Variants in CLSTN2 observed in about 807,000 individuals in gnomAD.
CLSTN2 encodes the protein calsyntenin-2.
A neutral mutation model predicts 101.2 loss-of-function variants in CLSTN2; 48 were observed. That is an observed-to-expected ratio of 0.47 (90% confidence interval 0.38 to 0.60). The LOEUF (loss-of-function observed/expected upper bound fraction) is 0.60. Ranked by LOEUF, CLSTN2 falls within the 20% of genes least tolerant of loss-of-function variation. The pLI, the probability that CLSTN2 is intolerant of heterozygous loss-of-function variation, is 0.00. For synonymous variants in CLSTN2, 481 were observed against 463.6 expected, an observed-to-expected ratio of 1.04 and a Z score of -0.48; for missense variants, 1,160 against 1,238.2, an observed-to-expected ratio of 0.94 and a Z score of 0.95.
chr3:140,281,837 T>C (rs2086850329), intron 2 of CLSTN2, among the ~76,000 whole-genome samples: 1 of 152,150 alleles, frequency 6.6e-6, no homozygotes, highest in Non-Finnish European at 1.5e-5. Flanking sequence ...GCTGTCTGGC[T>C]GGCTTGACTA....
At chr3:140,110,413 T>C (rs971169767) in intron 1 of CLSTN2, among the ~76,000 whole-genome samples, 1 of 152,234 alleles carries the variant, frequency 6.6e-6, no homozygotes, top group African/African-American at 2.4e-5. Context: ...AATGTAAACA[T>C]TAAACACCAT....
chr3:140,080,281 T>C (rs2008574344), intron 1 of CLSTN2, among the ~76,000 whole-genome samples: 1 of 152,208 alleles, frequency 6.6e-6, no homozygotes, highest in African/African-American at 2.4e-5. Flanking sequence ...GCAGTGTGCT[T>C]ATCTGTTCAC....
intron 1 of CLSTN2, among the ~76,000 whole-genome samples, chr3:140,065,224 G>T (rs993886313): frequency 1.3e-5 from 2 of 152,222 alleles, no homozygotes; most frequent in Admixed American, 1.3e-4. Flanking sequence ...GCAGGTGTGT[G>T]GAAGGTGAGG....
At chr3:140,144,772 C>T (rs1340214923) in intron 1 of CLSTN2, among the ~76,000 whole-genome samples, 2 of 152,210 alleles carry the variant, frequency 1.3e-5, no homozygotes, top group Admixed American at 1.3e-4. Flanking sequence ...GTCCGTGCCA[C>T]CTGGCATCTG....
At chr3:140,219,765 G>C (rs1485477232) in intron 2 of CLSTN2, among the ~76,000 whole-genome samples, 2 of 152,164 alleles carry the variant, frequency 1.3e-5, no homozygotes, top group African/African-American at 4.8e-5. Context: ...TAGACGCTTT[G>C]CTTCTTTCAA....
At chr3:140,203,825 G>A (rs1319554160) in intron 2 of CLSTN2, among the ~76,000 whole-genome samples, 1 of 152,190 alleles carries the variant, frequency 6.6e-6, no homozygotes, top group Non-Finnish European at 1.5e-5. Flanking sequence ...AGGCTGCAAA[G>A]ATTTTGCTTA....
intron 1 of CLSTN2, among the ~76,000 whole-genome samples, chr3:140,072,104 A>T (rs551795959): frequency 6.6e-6 from 1 of 152,168 alleles, no homozygotes; most frequent in Non-Finnish European, 1.5e-5. Context: ...AGTTTGACCC[A>T]GCATTGCCGT....
intron 4 of CLSTN2, among the ~76,000 whole-genome samples, chr3:140,410,385 T>C (rs2088349719): frequency 7.2e-6 from 1 of 139,134 alleles, no homozygotes; most frequent in African/African-American, 2.6e-5. Context: ...AATAGAATTA[T>C]ATATTTAAGA....
At chr3:139,941,586 C>G (rs1051356877) in intron 1 of CLSTN2, among the ~76,000 whole-genome samples, 1 of 152,134 alleles carries the variant, frequency 6.6e-6, no homozygotes, top group Non-Finnish European at 1.5e-5. Flanking sequence ...ACAGACCCCC[C>G]GAAGCCTTGC....
intron 2 of CLSTN2, among the ~76,000 whole-genome samples, chr3:140,264,070 C>A (rs1001644046): frequency 6.6e-6 from 1 of 152,070 alleles, no homozygotes; most frequent in African/African-American, 2.4e-5. Context: ...AGGTACCCAA[C>A]AATGTGTTTG....
intron 11 of CLSTN2, among the ~76,000 whole-genome samples, chr3:140,557,642 A>G (rs907489): frequency 0.33 from 50,775 of 152,094 alleles, 12,191 homozygotes; most frequent in African/African-American, 0.68. Flanking sequence ...TCACCCACCC[A>G]TAGAAGAGGA....
chr3:140,023,016 G>A (rs755947799), intron 1 of CLSTN2, among the ~76,000 whole-genome samples: 3 of 152,196 alleles, frequency 2.0e-5, no homozygotes, highest in Non-Finnish European at 2.9e-5. Flanking sequence ...GGGCTTCAAC[G>A]TTCCTCTGCT....
rs754181258 is a variant in CLSTN2, at chr3:140,450,276, A to G, written c.973+1572A>G. Among the ~76,000 whole-genome samples, 56 of 152,202 alleles carry G rather than the reference A, an allele frequency of 3.7e-4. 1 individual carries two copies. The highest frequency in any genetic ancestry group is 7.1e-4 in the Non-Finnish European group (48 of 68,046). ...ATTTGAAAGTAAGTCTGTCTAAATG[A>G]TGGGCATTTTAGCTCAGTATCCACT... is the stretch of plus-strand genomic sequence containing the variant. On this transcript the variant is annotated intron_variant, in intron 6 of 16. Coordinates refer to ENST00000458420, the MANE Select transcript of CLSTN2 (RefSeq NM_022131.3).
intron 7 of CLSTN2, among the ~76,000 whole-genome samples, chr3:140,466,028 A>G (rs1933691084): frequency 6.6e-6 from 1 of 152,156 alleles, no homozygotes. Flanking sequence ...GTGTATGGGG[A>G]GGGGATGTTG....
intron 2 of CLSTN2, among the ~76,000 whole-genome samples, chr3:140,255,395 A>G (rs911461761): frequency 1.3e-5 from 2 of 152,244 alleles, no homozygotes; most frequent in African/African-American, 4.8e-5. Flanking sequence ...ACATGGAATC[A>G]ACCTAGATGC....
In CLSTN2 at chr3:140,403,704, A is replaced by G. The variant is rs1201017856; in HGVS notation, c.308A>G (p.Glu103Gly). The G allele has an allele frequency of 6.2e-7, 1 of 1,614,142 alleles. No individual in the cohort carries two copies. The highest frequency in any genetic ancestry group is 1.1e-5 in the South Asian group (1 of 91,072). Residue 103 changes from glutamate to glycine, a missense_variant, in exon 3 of 17, where the codon GAG becomes GGG. Glu to Gly is a moderately conservative substitution (Grantham distance 98, BLOSUM62 -2). Transcript: ENST00000458420. ...GTGGTGCTCAACAAGACATCAGGAG[A>G]GGGCCGGCTCCGTGCCAAGAGCCCC... ...EAVVLNKTSG[E>G]GRLRAKSPID...
intron 1 of CLSTN2, among the ~76,000 whole-genome samples, chr3:139,987,042 T>G (rs1936037110): frequency 6.6e-6 from 1 of 152,140 alleles, no homozygotes; most frequent in Non-Finnish European, 1.5e-5. Context: ...AAAAAAAAAT[T>G]CCCCTGGGCC....
chr3:140,508,453 A>T (rs1006386192), intron 8 of CLSTN2: 1 of 152,206 alleles, frequency 6.6e-6, no homozygotes, highest in Non-Finnish European at 1.5e-5. Flanking sequence ...TGGCTATCAT[A>T]TCCCTTATAC....
At chr3:140,556,998 G>A (rs752590156) in intron 11 of CLSTN2, 7 of 223,772 alleles carry the variant, frequency 3.1e-5, no homozygotes, top group South Asian at 9.7e-5. Context: ...GGCGCAGTGC[G>A]TGGTACACAG....
Sources: allele counts gnomAD v4.1 joint callset (sites outside exome capture counted in the v4.1 genomes callset), GRCh38; gene constraint gnomAD v4.1.1; transcripts MANE v1.5; gene names NCBI Gene and HGNC (gene_info 2026-07-23, HGNC 2026-07-21).